Variants in ABCA10 observed in about 807,000 individuals in gnomAD.
ABCA10 encodes ATP binding cassette subfamily A member 10, also known as ATP-binding cassette sub-family A member 10.
A neutral mutation model predicts 187.5 loss-of-function variants in ABCA10; 169 were observed. That is an observed-to-expected ratio of 0.90 (90% CI 0.80 to 1.02). The LOEUF is 1.02. Among genes scored for constraint, ABCA10 ranks in the 50% least tolerant of loss-of-function variants. The pLI is 0.00. For missense variants in ABCA10, 1,727 were observed against 1,812.4 expected (o/e 0.95, Z 0.86); for synonymous variants, 574 against 601.8 (o/e 0.95, Z 0.68).
intron 29 of ABCA10, among the ~76,000 whole-genome samples, chr17:69,155,353 T>A (rs1335103832): frequency 1.3e-5 from 2 of 152,184 alleles, no homozygotes; most frequent in African/African-American, 4.8e-5. Flanking sequence ...TCAAATACAT[T>A]CCCTTTGCAT....
chr17:69,221,826 G>T lies in ABCA10; in HGVS notation c.269C>A (p.Ala90Asp). ...LAKYWLKGFV[A>D]FQAAINAAII... ...TGCAGCATTAATTGCAGCTTGAAAA[G>T]CTACAAACCCTTTTAGCCAGTACTT... is the stretch of plus-strand genomic sequence containing the variant. Residue 90 changes from alanine to aspartate, a missense_variant, in exon 5 of 39, where the codon GCT (alanine) becomes GAT (aspartate). By Grantham distance (126) the Ala-to-Asp change is moderately radical. Coordinates refer to ENST00000690296, the MANE Select transcript of ABCA10 (RefSeq NM_001377321.1). The T allele has an allele frequency of 1.9e-6, 3 of 1,613,316 alleles. No homozygotes were observed. Among genetic ancestry groups the T allele is most frequent in the Non-Finnish European group, 2.5e-6 (3 of 1,179,678 alleles).
chr17:69,162,283 T>A (rs1314413426), intron 27 of ABCA10, among the ~76,000 whole-genome samples: 2 of 152,110 alleles, frequency 1.3e-5, no homozygotes, highest in African/African-American at 4.8e-5. Context: ...CAAATCACAA[T>A]CAAAACAATG....
chr17:69,189,081 A>G (rs2144798989), intron 18 of ABCA10, among the ~76,000 whole-genome samples: 1 of 152,272 alleles, frequency 6.6e-6, no homozygotes, highest in Non-Finnish European at 1.5e-5. Context: ...TGATAGTTCT[A>G]TTTAAAGTTC....
At chr17:69,173,538 G>T (rs931092090) in intron 25 of ABCA10, among the ~76,000 whole-genome samples, 2 of 152,104 alleles carry the variant, frequency 1.3e-5, no homozygotes, top group African/African-American at 4.8e-5. Context: ...TGTAGACCTT[G>T]CTCTCTTTCT....
chr17:69,172,791 A>T (rs1382381009), intron 25 of ABCA10, among the ~76,000 whole-genome samples: 1 of 69,762 alleles, frequency 1.4e-5, no homozygotes, highest in Non-Finnish European at 2.9e-5. Context: ...AAACTCATTA[A>T]ATTAAAAGCA....
intron 17 of ABCA10, 89 bp downstream of exon 17, chr17:69,191,087 T>G (rs1312171453): frequency 2.3e-5 from 28 of 1,205,798 alleles, no homozygotes; most frequent in Non-Finnish European, 3.0e-5. Context: ...TGTATAAGCT[T>G]TAGAACTCGA....
intron 11 of ABCA10, 64 bp downstream of exon 11, chr17:69,197,000 C>T (rs964463630): frequency 1.8e-5 from 21 of 1,160,346 alleles, no homozygotes; most frequent in Admixed American, 5.2e-5. Context: ...AGAGGGAGAC[C>T]GTGGACAGAG....
At chr17:69,227,485 C>T (rs905037768) in intron 1 of ABCA10, among the ~76,000 whole-genome samples, 200 bp from the exon 2 acceptor site, 5 of 151,764 alleles carry the variant, frequency 3.3e-5, no homozygotes, top group Non-Finnish European at 7.4e-5. Context: ...GCTTTTATGG[C>T]TATGAGGGAG....
At chr17:69,222,329 C>A (rs572747539) in intron 4 of ABCA10, among the ~76,000 whole-genome samples, 1 of 107,418 alleles carries the variant, frequency 9.3e-6, no homozygotes, top group Non-Finnish European at 2.0e-5. Flanking sequence ...CAGAGGGAGA[C>A]TCCATCTCAA....
rs775730475 is a variant in ABCA10 at position 69,201,462 on chromosome 17, A to G, written c.1175+38T>C. On this transcript the variant is annotated intron_variant, in intron 10 of 38. Coordinates refer to ENST00000690296, the MANE Select transcript of ABCA10 (RefSeq NM_001377321.1). Reference sequence around the variant, plus strand: ...CTGCAGCTTCATTTACTAAGCTTTTACCTATAAGTGTACATAGTCATGTAA... The same window carrying G: ...CTGCAGCTTCATTTACTAAGCTTTTGCCTATAAGTGTACATAGTCATGTAA... The G allele has an allele frequency of 4.1e-6, 6 of 1,476,756 alleles. No individual in the cohort carries two copies. In the South Asian group the frequency reaches 4.4e-5, roughly 11 times the overall value. The allele number at this position is 1,476,756 out of a possible 1,614,324, so 91.5% of individuals were successfully genotyped here.
At chr17:69,152,008 T>A (rs1783861002) in intron 36 of ABCA10, 35 bp downstream of exon 36, 1 of 1,594,590 alleles carries the variant, frequency 6.3e-7, no homozygotes, top group Admixed American at 1.8e-5. Flanking sequence ...TGGAAAACAC[T>A]CATACTTGTC....
upstream of ABCA10, among the ~76,000 whole-genome samples, chr17:69,232,483 G>A (rs1598131132): frequency 1.3e-5 from 2 of 151,794 alleles, no homozygotes; most frequent in East Asian, 3.9e-4. Context: ...GATAGCAAAG[G>A]AAAAATAAAA....
Position 69,219,683 on chromosome 17 carries a change from AT to A in ABCA10, c.391del (p.Ile131LeufsTer2). ...AGTAAAATGAAACCATTCATTCATAATTTCTCCCTTAGAAATGAAAGGTGGT... is the reference window on the plus strand; with the variant it reads ...AGTAAAATGAAACCATTCATTCATAATTCTCCCTTAGAAATGAAAGGTGGT... The part of the protein sequence containing the change: ...KIPPFISKGE[I>X]MNEWFHFTCL... On this transcript the variant is annotated frameshift_variant, in exon 6 of 39. Transcript: ENST00000690296. LOFTEE classifies it high-confidence loss of function. The A allele has an allele frequency of 6.2e-7, 1 of 1,611,294 alleles. No individual in the cohort carries two copies. The highest frequency in any genetic ancestry group is 8.5e-7 in the Non-Finnish European group (1 of 1,178,292).
rs143923587 is a variant in ABCA10 at position 69,212,878 on chromosome 17, T to G, written c.1006+1826A>C. On this transcript the variant is annotated intron_variant, in intron 9 of 38. Transcript: ENST00000690296. ...TGAGTCTCTTGAAGACAGCAGATAC[T>G]TGGTTGGTGAATTTTTATTCATTCT... 2.8e-3 allele frequency among the ~76,000 whole-genome samples: 429 copies of G among 152,308 alleles called. 2 individuals are homozygous for G. Among genetic ancestry groups the G allele is most frequent in the African/African-American group, 9.9e-3 (411 of 41,542 alleles).
intron 22 of ABCA10, among the ~76,000 whole-genome samples, chr17:69,177,237 T>C (rs1483691457): frequency 6.6e-6 from 1 of 152,208 alleles, no homozygotes; most frequent in Non-Finnish European, 1.5e-5. Context: ...TTTGTGACTG[T>C]TTCAATTTCC....
At position 69,165,023 on chromosome 17, in the gene ABCA10, AAAT is replaced by A. The variant is rs1222064394; in HGVS notation, c.3220_3222del (p.Ile1074del). ...AAGGAAGGTATGAAAATCATGCACA[AAAT>A]TAAGTTGAGTTTTTCATATTGAGTT... On this transcript the variant is annotated inframe_deletion, in exon 26 of 39. Transcript: ENST00000690296. 6.2e-7 allele frequency: 1 copy of A among 1,611,836 alleles called. No homozygotes were observed. The highest frequency in any genetic ancestry group is 2.2e-5 in the East Asian group (1 of 44,802).
Position 69,174,339 on chromosome 17 carries a change from G to GAA in ABCA10, c.3102_3103dup (p.Ser1035PhefsTer23). 6.2e-7 allele frequency: 1 copy of GAA among 1,606,654 alleles called. No individual in the cohort carries two copies. The highest frequency in any genetic ancestry group is 8.5e-7 in the Non-Finnish European group (1 of 1,177,938). The stretch of plus-strand genomic sequence containing the variant: ...TTTTCTCCACTTGCGAAAGATGAAT[G>GAA]AAAGCACATATGTGAGGAATATAAG... On this transcript the variant is annotated frameshift_variant, in exon 25 of 39. Transcript: ENST00000690296. LOFTEE classifies it high-confidence loss of function.
At chr17:69,183,720 G>A (rs1007509107) in intron 20 of ABCA10, among the ~76,000 whole-genome samples, 2 of 152,104 alleles carry the variant, frequency 1.3e-5, no homozygotes, top group Non-Finnish European at 2.9e-5. Context: ...TCAGCCCCCA[G>A]GGAAGCCATT....
chr17:69,167,265 A>G (rs550338317), intron 25 of ABCA10, among the ~76,000 whole-genome samples: 1 of 152,190 alleles, frequency 6.6e-6, no homozygotes, highest in Non-Finnish European at 1.5e-5. Flanking sequence ...ATCAGGGGTC[A>G]TAAGAACTTT....
Sources: allele counts gnomAD v4.1 joint callset (sites outside exome capture counted in the v4.1 genomes callset), GRCh38; gene constraint gnomAD v4.1.1; transcripts MANE v1.5; gene names NCBI Gene and HGNC (gene_info 2026-07-23, HGNC 2026-07-21).